DPYD: variants seen among roughly 807,000 people sequenced by gnomAD.
DPYD encodes dihydropyrimidine dehydrogenase.
DPYD carries 109 observed loss-of-function variants against 116.2 expected under a neutral mutation model. The observed-to-expected ratio is 0.94, with a 90% CI of 0.80 to 1.10. DPYD has a LOEUF of 1.10. DPYD is among the 50% of genes least tolerant of loss of function. The pLI is 0.00. For synonymous variants in DPYD, 440 were observed against 432.0 expected, an observed-to-expected ratio of 1.02 and a Z score of -0.23; for missense variants, 1,302 against 1,254.5, an observed-to-expected ratio of 1.04 and a Z score of -0.57.
At chr1:97,222,312 G>A (rs1311122492) in intron 19 of DPYD, among the ~76,000 whole-genome samples, 1 of 152,036 alleles carries the variant, frequency 6.6e-6, no homozygotes, top group Admixed American at 6.6e-5. Flanking sequence ...GTAGCTATAC[G>A]CCTGCAAACA....
intron 18 of DPYD, among the ~76,000 whole-genome samples, chr1:97,290,179 G>T (rs2100979377): frequency 6.6e-6 from 1 of 152,242 alleles, no homozygotes; most frequent in South Asian, 2.1e-4. Context: ...ACTGCTCAAG[G>T]AAATTAAAGA....
At chr1:97,843,477 T>C (rs1670136855) in intron 2 of DPYD, among the ~76,000 whole-genome samples, 2 of 152,182 alleles carry the variant, frequency 1.3e-5, no homozygotes, top group Non-Finnish European at 1.5e-5. Flanking sequence ...CCATCATCTA[T>C]GGAGCCTTCT....
chr1:97,767,505 T>C (rs1665928350), intron 3 of DPYD, among the ~76,000 whole-genome samples: 1 of 151,894 alleles, frequency 6.6e-6, no homozygotes, highest in Non-Finnish European at 1.5e-5. Flanking sequence ...GTTTCCTCTC[T>C]GGAACCCTGC....
chr1:97,406,888 A>G (rs1424919509), intron 14 of DPYD, among the ~76,000 whole-genome samples: 1 of 152,142 alleles, frequency 6.6e-6, no homozygotes, highest in African/African-American at 2.4e-5. Context: ...CACTATACAC[A>G]AACAAAAAGG....
chr1:97,600,919 A>G (rs545213610), intron 8 of DPYD, among the ~76,000 whole-genome samples: 1 of 152,298 alleles, frequency 6.6e-6, no homozygotes, highest in African/African-American at 2.4e-5. Context: ...ATGTAGCCAC[A>G]TAAGAGTATT....
At position 97,581,505 on chromosome 1, in the gene DPYD, G is replaced by T. The variant is rs376518970; in HGVS notation, c.1129-7535C>A. 3.9e-5 allele frequency among the ~76,000 whole-genome samples: 6 copies of T among 151,968 alleles called. No homozygotes were observed. In the East Asian group the frequency reaches 9.7e-4, roughly 25 times the overall value. ...GCCTATAATCTCAGTGCTTTGGAAG[G>T]TTGAGGTGGGAGAACTGTTTAAGGC... is the stretch of plus-strand genomic sequence containing the variant. On this transcript the variant is annotated intron_variant, in intron 10 of 22. Coordinates refer to ENST00000370192, the MANE Select transcript of DPYD (RefSeq NM_000110.4).
chr1:97,293,855 T>C (rs1336050851), intron 18 of DPYD, among the ~76,000 whole-genome samples: 1 of 147,680 alleles, frequency 6.8e-6, no homozygotes, highest in Non-Finnish European at 1.5e-5. Context: ...AGCTGAGGCA[T>C]GAGAATCGCT....
Position 97,668,173 on chromosome 1 carries a change from C to A in DPYD, c.850+10922G>T, listed in dbSNP as rs559587136. 2.6e-5 allele frequency among the ~76,000 whole-genome samples: 4 copies of A among 152,052 alleles called. No individual in the cohort carries two copies. In the South Asian group the frequency reaches 8.3e-4, roughly 32 times the overall value. On this transcript the variant is annotated intron_variant, in intron 8 of 22. Transcript: ENST00000370192. Reference sequence around the variant, plus strand: ...GTATATTTTATGCTATGTGTACTTACCACAATTTTTAAAAAAGAATTAATT... The same window carrying A: ...GTATATTTTATGCTATGTGTACTTAACACAATTTTTAAAAAAGAATTAATT...
chr1:97,788,704 G>A (rs1426887290), intron 3 of DPYD, among the ~76,000 whole-genome samples: 2 of 152,160 alleles, frequency 1.3e-5, no homozygotes, highest in African/African-American at 4.8e-5. Flanking sequence ...ATTTTCCCAA[G>A]GCTAATCAGC....
intron 20 of DPYD, among the ~76,000 whole-genome samples, chr1:97,109,175 T>C (rs1035635721): frequency 6.6e-6 from 1 of 152,160 alleles, no homozygotes; most frequent in Non-Finnish European, 1.5e-5. Context: ...CAGCTGTTAC[T>C]ATTTTGAAAA....
chr1:97,754,098 G>C (rs908462163), intron 3 of DPYD, among the ~76,000 whole-genome samples: 10 of 152,022 alleles, frequency 6.6e-5, no homozygotes, highest in Non-Finnish European at 1.3e-4. Flanking sequence ...GGAAATTTCA[G>C]GAAATTAATG....
intron 20 of DPYD, among the ~76,000 whole-genome samples, chr1:97,165,169 C>T (rs1428886181): frequency 2.0e-5 from 3 of 152,100 alleles, no homozygotes; most frequent in Non-Finnish European, 4.4e-5. Flanking sequence ...AGTTACCTGA[C>T]TCTAAACTAT....
chr1:97,827,451 A>G (rs527647200), intron 3 of DPYD, among the ~76,000 whole-genome samples: 3 of 152,224 alleles, frequency 2.0e-5, no homozygotes, highest in African/African-American at 7.2e-5. Context: ...TCAATGTCTA[A>G]TAAAAAGCCT....
chr1:97,669,372 T>G (rs951627338), intron 8 of DPYD, among the ~76,000 whole-genome samples: 1 of 152,140 alleles, frequency 6.6e-6, no homozygotes, highest in African/African-American at 2.4e-5. Context: ...CTGACATAAC[T>G]TATAACAGTA....
At chr1:97,540,724 G>T (rs550859438) in intron 12 of DPYD, among the ~76,000 whole-genome samples, 1 of 152,122 alleles carries the variant, frequency 6.6e-6, no homozygotes, top group Non-Finnish European at 1.5e-5. Context: ...GACTCTCCCC[G>T]GAGGTTGGGG....
chr1:97,778,273 TATA>T (rs1666539760), intron 3 of DPYD, among the ~76,000 whole-genome samples: 2 of 151,032 alleles, frequency 1.3e-5, no homozygotes, highest in South Asian at 2.1e-4. Context: ...ATTATTTGGT[TATA>T]ATAATAATTA....
intron 12 of DPYD, among the ~76,000 whole-genome samples, chr1:97,547,376 C>G (rs1650976587): frequency 6.6e-6 from 1 of 152,102 alleles, no homozygotes; most frequent in Non-Finnish European, 1.5e-5. Context: ...CTTCCTCTGT[C>G]TGAGGCAATA....
intron 1 of DPYD, among the ~76,000 whole-genome samples, chr1:97,891,727 A>C (rs1270616439): frequency 6.6e-6 from 1 of 151,904 alleles, no homozygotes; most frequent in Non-Finnish European, 1.5e-5. Context: ...TTGGAGCTTC[A>C]GTATTATTCA....
chr1:97,398,974 T>G (rs60392383), intron 14 of DPYD, among the ~76,000 whole-genome samples: 29,127 of 151,632 alleles, frequency 0.19, 2,952 homozygotes, highest in South Asian at 0.36. Context: ...GTCAATTTTG[T>G]CTTTTGTTGC....
Sources: allele counts gnomAD v4.1 joint callset (sites outside exome capture counted in the v4.1 genomes callset), GRCh38; gene constraint gnomAD v4.1.1; transcripts MANE v1.5; gene names NCBI Gene and HGNC (gene_info 2026-07-23, HGNC 2026-07-21).